The following PIEZO1 variants were observed in gnomAD, a reference collection of about 807,000 sequenced individuals.
PIEZO1 encodes piezo type mechanosensitive ion channel component 1 (Er blood group), also known as piezo-type mechanosensitive ion channel component 1.
PIEZO1 carries 296 observed loss-of-function variants against 297.2 expected under a neutral mutation model. The ratio of observed to expected loss-of-function variants is 1.00; its 90% CI spans 0.91 to 1.10. The LOEUF is 1.10. Ranked by LOEUF, PIEZO1 falls within the 50% of genes least tolerant of loss-of-function variation. PIEZO1 has a pLI of 0.00. For missense variants in PIEZO1, 5,018 were observed against 3,455.5 expected (o/e 1.45, Z -11.34); for synonymous variants, 2,427 against 1,507.5 (o/e 1.61, Z -14.13).
At chr16:88,719,985 G>A in intron 42 of PIEZO1, 25 bp from the exon 43 acceptor site, 1 of 1,549,774 alleles carries the variant, frequency 6.5e-7, no homozygotes, top group Non-Finnish European at 8.7e-7. Context: ...CCAGGTCAAG[G>A]ACCCCATCAG....
At chr16:88,784,038 G>A (rs574764126) in intron 1 of PIEZO1, among the ~76,000 whole-genome samples, 174 of 152,342 alleles carry the variant, frequency 1.1e-3, no homozygotes, top group Non-Finnish European at 2.0e-3. Context: ...CCCGGGCGGA[G>A]GGCGCGGACC....
At position 88,715,470 on chromosome 16, in the gene PIEZO1, G is replaced by C. The variant is rs1388286337; in HGVS notation, c.*135C>G. The C allele has an allele frequency of 6.8e-6, 7 of 1,035,432 alleles. No individual in the cohort carries two copies. The Admixed American group carries it at 1.4e-4, about 21-fold the overall frequency. 64.1% of individuals were successfully genotyped at this position (1,035,432 alleles called of 1,614,324 possible). On this transcript the variant is annotated 3_prime_UTR_variant, in exon 51 of 51. Transcript: ENST00000301015. ...TCTCTGACAGCAGCATCAGGGCTCA[G>C]GCAGGCCGGGAGGATGCATCACAGC...
At chr16:88,748,061 C>A (rs1165134430) in intron 2 of PIEZO1, among the ~76,000 whole-genome samples, 1 of 152,228 alleles carries the variant, frequency 6.6e-6, no homozygotes, top group East Asian at 1.9e-4. Context: ...CACCCAAGAG[C>A]CTGTCTCCAC....
rs1290337138 is a variant in PIEZO1 at position 88,784,969 on chromosome 16, G to A, written c.-5C>T. 28 of 1,360,352 alleles carry A rather than the reference G, an allele frequency of 2.1e-5. No individual in the cohort carries two copies. The highest frequency in any genetic ancestry group is 2.5e-5 in the Non-Finnish European group (26 of 1,047,206). 84.3% of individuals were successfully genotyped at this position (1,360,352 alleles called of 1,614,324 possible). On this transcript the variant is annotated 5_prime_UTR_variant, in exon 1 of 51. Coordinates refer to ENST00000301015, the MANE Select transcript of PIEZO1 (RefSeq NM_001142864.4). The stretch of plus-strand genomic sequence containing the variant: ...GCCGAGCACGTGCGGCTCCATGGCT[G>A]GAGGGCCCAGGGCCCGGCCCAGACC...
intron 1 of PIEZO1, among the ~76,000 whole-genome samples, chr16:88,778,935 G>A (rs1342711474): frequency 6.6e-6 from 1 of 152,320 alleles, no homozygotes; most frequent in Admixed American, 6.5e-5. Context: ...GCGGGGGCAG[G>A]TGGGGTGCAT....
rs1006156582 is a variant in PIEZO1 at position 88,715,914 on chromosome 16, C to G, written c.7316+19G>C. 6.5e-7 allele frequency: 1 copy of G among 1,546,590 alleles called. No individual in the cohort carries two copies. The highest frequency in any genetic ancestry group is 1.4e-5 in the African/African-American group (1 of 72,984). The stretch of plus-strand genomic sequence containing the variant: ...GGAGCCCCCCGAGCTGCGGGGTGCC[C>G]CCCCAGCCACTCACTCACCCGTAGC... On this transcript the variant is annotated intron_variant, in intron 50 of 50. Transcript: ENST00000301015.
At chr16:88,724,045 G>A (rs1017342107) in intron 30 of PIEZO1, 74 bp from the exon 31 acceptor site, 11 of 911,476 alleles carry the variant, frequency 1.2e-5, no homozygotes, top group Non-Finnish European at 1.7e-5. Context: ...CGCCTGCATG[G>A]GCCAAGGCCC....
At chr16:88,718,774 T>A (rs989465311) in intron 44 of PIEZO1, 4 of 152,698 alleles carry the variant, frequency 2.6e-5, no homozygotes, top group Non-Finnish European at 5.9e-5. Context: ...AGTGGTGTGA[T>A]CAGGCTTAAT....
In PIEZO1 at chr16:88,719,706, C is replaced by A. The variant is rs773087443; in HGVS notation, c.6339G>T (p.Pro2113=). 2 of 1,551,352 alleles carry A rather than the reference C, an allele frequency of 1.3e-6. No individual in the cohort carries two copies. The highest frequency in any genetic ancestry group is 1.4e-5 in the African/African-American group (1 of 73,196). ...TCACTGCCCGCAGCTCCACCAGGAACGGCACCAGCCGGAACCTGCCCACAG... is the reference window on the plus strand; with the variant it reads ...TCACTGCCCGCAGCTCCACCAGGAAAGGCACCAGCCGGAACCTGCCCACAG... ...LFLFQGFRLV[P]FLVELRAVMD... is the part of the protein sequence containing the mutation. Residue 2113 remains proline (P), a synonymous_variant, in exon 44 of 51, where the codon CCG becomes CCT. Coordinates refer to ENST00000301015, the MANE Select transcript of PIEZO1 (RefSeq NM_001142864.4).
Position 88,716,077 on chromosome 16 carries a change from C to T in PIEZO1, c.7172G>A (p.Arg2391Lys). 1.3e-6 allele frequency: 2 copies of T among 1,549,764 alleles called. No homozygotes were observed. The highest frequency in any genetic ancestry group is 1.2e-5 in the South Asian group (1 of 84,006). ...DYLGVRIQLR[R>K]EQGAGATGFL... is the part of the protein sequence containing the mutation. ...GCCGGTGGCCCCCGCACCCTGCTCC[C>T]TCCGCAGCTGGATACGCACGCCGAG... Residue 2391 changes from arginine to lysine, a missense_variant, in exon 50 of 51, where the codon AGG (arginine) becomes AAG (lysine). Arg to Lys is a conservative substitution (Grantham distance 26, BLOSUM62 2). Coordinates refer to ENST00000301015, the MANE Select transcript of PIEZO1 (RefSeq NM_001142864.4).
intron 1 of PIEZO1, among the ~76,000 whole-genome samples, chr16:88,753,436 G>T (rs987348656): frequency 9.9e-5 from 15 of 151,664 alleles, no homozygotes; most frequent in African/African-American, 3.6e-4. Flanking sequence ...CAGACACCAA[G>T]CAGGGGCAGC....
rs1447538212 is a variant in PIEZO1, at chr16:88,726,562, T to G, written c.3781A>C (p.Lys1261Gln). The change falls in exon 26 of 51, where the codon AAG becomes CAG. Residue 1261 changes from lysine (K) to glutamine (Q), a missense_variant. Coordinates refer to ENST00000301015, the MANE Select transcript of PIEZO1 (RefSeq NM_001142864.4). ...IQLFSLVCTVKGYYDPKEMMD... is the reference protein window; with the variant it reads ...IQLFSLVCTVQGYYDPKEMMD... ...GGCCACTCACGGTCATAGTAGCCCT[T>G]GACGGTGCATACAAGGCTGAAGAGC... The G allele has an allele frequency of 6.5e-7, 1 of 1,550,062 alleles. No individual in the cohort carries two copies. The highest frequency in any genetic ancestry group is 8.7e-7 in the Non-Finnish European group (1 of 1,146,834).
At chr16:88,717,863 C>T (rs944664370) in intron 44 of PIEZO1, 18 of 426,144 alleles carry the variant, frequency 4.2e-5, no homozygotes, top group East Asian at 7.0e-5. Context: ...CTGGGTGTGG[C>T]GGCTCACACT....
Position 88,723,282 on chromosome 16 carries a change from C to T in PIEZO1, c.4382G>A (p.Arg1461Gln), listed in dbSNP as rs751127779. Residue 1461 changes from arginine (R) to glutamine (Q), a missense_variant, in exon 32 of 51, where the codon CGG (arginine) becomes CAG (glutamine). Arg to Gln is a conservative substitution (Grantham distance 43, BLOSUM62 1). Transcript: ENST00000301015. The part of the protein sequence containing the change: ...WVTNAQAVLR[R>Q]RQQEQEQARQ... ...TGCCTGCTCCTGCTCCTGCTGCCGC[C>T]GCCTCAGCACCGCCTGGGCGTTGGT... 185 of 1,523,098 alleles carry T rather than the reference C, an allele frequency of 1.2e-4. No individual in the cohort carries two copies. The highest frequency in any genetic ancestry group is 6.7e-4 in the Admixed American group (34 of 50,678). 94.3% of individuals were successfully genotyped at this position (1,523,098 alleles called of 1,614,324 possible).
rs913772816 is a variant in PIEZO1 at position 88,719,419 on chromosome 16, G to C, written c.6471+155C>G. On this transcript the variant is annotated intron_variant, in intron 44 of 50. Coordinates refer to ENST00000301015, the MANE Select transcript of PIEZO1 (RefSeq NM_001142864.4). ...CAGCTGCCAAGATCACTGGCCTCGT[G>C]ATCAGCTAGTGGGTGGGCTCGCCTC... 24 of 658,118 alleles carry C rather than the reference G, an allele frequency of 3.6e-5. No homozygotes were observed. In the African/African-American group the frequency reaches 4.4e-4, roughly 12 times the overall value. The allele number at this position is 658,118 out of a possible 1,614,324, so 40.8% of individuals were successfully genotyped here.
In PIEZO1 at chr16:88,757,324, G is replaced by T. The variant is rs1158022153; in HGVS notation, c.65-7845C>A. On this transcript the variant is annotated intron_variant, in intron 1 of 50. Coordinates refer to ENST00000301015, the MANE Select transcript of PIEZO1 (RefSeq NM_001142864.4). The stretch of plus-strand genomic sequence containing the variant: ...TATGCAGGGGGCGTTGCTGGCGGGG[G>T]GGTGGGGGGTAGTTACCTAACCTGC... 1.1e-3 allele frequency among the ~76,000 whole-genome samples: 111 copies of T among 98,492 alleles called. 16 individuals are homozygous for T. Among genetic ancestry groups the T allele is most frequent in the East Asian group, 8.9e-4 (3 of 3,380 alleles). The allele number at this position is 98,492 out of a possible 152,430, so 64.6% of individuals were successfully genotyped here.
intron 1 of PIEZO1, among the ~76,000 whole-genome samples, chr16:88,783,517 G>A (rs553397989): frequency 1.1e-4 from 17 of 152,314 alleles, no homozygotes; most frequent in African/African-American, 4.1e-4. Context: ...TGAACGGGAC[G>A]TTTCAGAAGC....
chr16:88,733,970 C>G lies in PIEZO1; in HGVS notation c.2265G>C (p.Glu755Asp), dbSNP rs1489757892. 6.5e-7 allele frequency: 1 copy of G among 1,534,842 alleles called. No individual in the cohort carries two copies. The highest frequency in any genetic ancestry group is 8.8e-7 in the Non-Finnish European group (1 of 1,140,406). The change falls in exon 17 of 51, where the codon GAG (glutamate) becomes GAC (aspartate). Residue 755 changes from glutamate (E) to aspartate (D), a missense_variant. Coordinates refer to ENST00000301015, the MANE Select transcript of PIEZO1 (RefSeq NM_001142864.4). ...CCAGCCCCTCGTCCCTGGAGTCCTC[C>G]TCCTCCTCCTCCTCCTCCTGCTGCT... ...QQQQQEEEEE[E>D]EDSRDEGLGV...
At chr16:88,782,601 TC>T (rs1169129361) in intron 1 of PIEZO1, among the ~76,000 whole-genome samples, 1 of 152,136 alleles carries the variant, frequency 6.6e-6, no homozygotes, top group Non-Finnish European at 1.5e-5. Flanking sequence ...ACTCAAACCC[TC>T]ACCAGGCACT....
Sources: gnomAD v4.1 joint callset for allele counts (sites outside exome capture counted in the v4.1 genomes callset) on GRCh38, gnomAD v4.1.1 for gene constraint, MANE v1.5 for transcripts, NCBI Gene and HGNC (gene_info 2026-07-23, HGNC 2026-07-21) for gene names.